IFT140: variants seen among roughly 807,000 people sequenced by gnomAD.
The protein encoded by IFT140 is intraflagellar transport 140.
Under a neutral mutation model 164.6 loss-of-function variants are expected in IFT140, and 133 were observed. That is an observed-to-expected ratio of 0.81 (90% confidence interval 0.70 to 0.93). The LOEUF is 0.93. Among genes scored for constraint, IFT140 ranks in the 40% least tolerant of loss-of-function variants. The pLI is 0.00. For synonymous variants in IFT140, 860 were observed against 817.3 expected, an observed-to-expected ratio of 1.05 and a Z score of -0.89; for missense variants, 2,045 against 1,972.3, an observed-to-expected ratio of 1.04 and a Z score of -0.70.
intron 2 of IFT140, among the ~76,000 whole-genome samples, chr16:1,607,871 C>T (rs766601178): frequency 6.6e-6 from 1 of 152,200 alleles, no homozygotes; most frequent in Non-Finnish European, 1.5e-5. Context: ...GTCTTGAACC[C>T]CTGGCTCAGG....
At position 1,553,932 on chromosome 16, in the gene IFT140, A is replaced by G; in HGVS notation, c.2399+4003T>C. On this transcript the variant is annotated intron_variant, in intron 19 of 30. Coordinates refer to ENST00000426508, the MANE Select transcript of IFT140 (RefSeq NM_014714.4). The surrounding 1 kb of genome is among the most constrained non-coding windows in gnomAD (Gnocchi z 4.4). ...CTAAAAAGGTCTTTGGAGCTCCTCA[A>G]AGATAAAACTGTAAGTGAAACTGTA... 7.8e-7 allele frequency: 1 copy of G among 1,285,170 alleles called. No homozygotes were observed. Among genetic ancestry groups the G allele is most frequent in the Non-Finnish European group, 1.0e-6 (1 of 987,066 alleles). The allele number at this position is 1,285,170 out of a possible 1,614,324, so 79.6% of individuals were successfully genotyped here. A position where few individuals can be genotyped will look rare whatever the true frequency, so the allele number is the denominator to read the frequency against.
intron 19 of IFT140, among the ~76,000 whole-genome samples, chr16:1,535,891 T>C (rs117903220): frequency 0.012 from 1,766 of 152,308 alleles, 34 homozygotes; most frequent in Non-Finnish European, 0.014. Flanking sequence ...CTCGGTGTCT[T>C]ATGGGAAGCC....
intron 18 of IFT140, among the ~76,000 whole-genome samples, chr16:1,561,398 G>C (rs1025033397): frequency 7.9e-5 from 12 of 152,224 alleles, no homozygotes; most frequent in Non-Finnish European, 4.4e-5. Flanking sequence ...TACTGATGAC[G>C]ATCCCATTCT....
At chr16:1,513,730 G>C (rs1472213426) in intron 30 of IFT140, among the ~76,000 whole-genome samples, 2 of 150,400 alleles carry the variant, frequency 1.3e-5, no homozygotes, top group Non-Finnish European at 3.0e-5. Context: ...CTGGAGTGCA[G>C]TGGTGCGATC....
chr16:1,545,880 C>G (rs1276244736), intron 19 of IFT140, among the ~76,000 whole-genome samples: 1 of 152,222 alleles, frequency 6.6e-6, no homozygotes, highest in South Asian at 2.1e-4. Context: ...AGGGACCACC[C>G]TCCTCGCCCC....
At position 1,516,497 on chromosome 16, in the gene IFT140, C is replaced by T. The variant is rs185429175; in HGVS notation, c.4182+1719G>A. 2.2e-3 allele frequency among the ~76,000 whole-genome samples: 341 copies of T among 152,164 alleles called. 1 individual carries two copies. Among genetic ancestry groups the T allele is most frequent in the African/African-American group, 7.5e-3 (310 of 41,508 alleles). Reference sequence around the variant, plus strand: ...AAAAATAGTCCACTAAGGCCAGGTGCGGTGGCTCACGCCTGTAATCCCAGC... The same window carrying T: ...AAAAATAGTCCACTAAGGCCAGGTGTGGTGGCTCACGCCTGTAATCCCAGC... On this transcript the variant is annotated intron_variant, in intron 30 of 30. Transcript: ENST00000426508.
chr16:1,526,529 G>T, intron 20 of IFT140, 90 bp downstream of exon 20: 1 of 1,291,574 alleles, frequency 7.7e-7, no homozygotes, highest in Non-Finnish European at 1.0e-6. Context: ...GCAGGCTCAG[G>T]CCGGTGGGCG....
intron 14 of IFT140, among the ~76,000 whole-genome samples, chr16:1,569,488 T>C (rs1204194110): frequency 7.8e-6 from 1 of 127,462 alleles, no homozygotes; most frequent in African/African-American, 2.9e-5. Context: ...CTTCTTTCCC[T>C]CCTCCCTCCC....
chr16:1,541,804 A>G (rs1205950177), intron 19 of IFT140: 7 of 1,286,250 alleles, frequency 5.4e-6, no homozygotes, highest in Non-Finnish European at 7.4e-6. Context: ...ATGGAGGCAC[A>G]GCCTGTGCCG....
chr16:1,607,085 T>G, intron 3 of IFT140, 35 bp downstream of exon 3: 1 of 1,607,176 alleles, frequency 6.2e-7, no homozygotes, highest in Non-Finnish European at 8.5e-7. Flanking sequence ...AGCCAGAAGC[T>G]ACCACAGTCA....
rs1437390710 is a variant in IFT140 at position 1,522,853 on chromosome 16, A to T, written c.3453+665T>A. Among the ~76,000 whole-genome samples the T allele has an allele frequency of 3.3e-5, 5 of 152,178 alleles. No homozygotes were observed. In the East Asian group the frequency reaches 9.6e-4, roughly 29 times the overall value. Reference sequence around the variant, plus strand: ...CCCAGTAAAAAATGGCATCTCCGTGAATTTTGATATGTATTTCTATCATGA... The same window carrying T: ...CCCAGTAAAAAATGGCATCTCCGTGTATTTTGATATGTATTTCTATCATGA... On this transcript the variant is annotated intron_variant, in intron 26 of 30. Transcript: ENST00000426508.
chr16:1,579,041 G>A (rs922408700), intron 13 of IFT140, among the ~76,000 whole-genome samples: 9 of 152,130 alleles, frequency 5.9e-5, no homozygotes, highest in African/African-American at 1.4e-4. Context: ...TCCCCAAAAC[G>A]TTAACTAGTA....
At chr16:1,524,386 G>A in intron 24 of IFT140, 166 bp downstream of exon 24, 2 of 840,170 alleles carry the variant, frequency 2.4e-6, no homozygotes, top group African/African-American at 1.7e-5. Context: ...AGCGGCCAGG[G>A]GTGGGCAGAG....
rs2040675771 is a variant in IFT140, at chr16:1,525,881, A to G, written c.2768+6T>C. Reference sequence around the variant, plus strand: ...GCAGGGAAGAGGCCGCGAGGGCCGCACTCACTAACTGAGGGCCCGGCTGCA... The same window carrying G: ...GCAGGGAAGAGGCCGCGAGGGCCGCGCTCACTAACTGAGGGCCCGGCTGCA... On this transcript the variant is annotated splice_donor_region_variant and intron_variant, in intron 21 of 30. Transcript: ENST00000426508. The G allele has an allele frequency of 6.5e-7, 1 of 1,532,486 alleles. No homozygotes were observed. The highest frequency in any genetic ancestry group is 8.8e-7 in the Non-Finnish European group (1 of 1,139,606). 94.9% of individuals were successfully genotyped at this position (1,532,486 alleles called of 1,614,324 possible).
chr16:1,550,917 C>T (rs935899684), intron 19 of IFT140, among the ~76,000 whole-genome samples: 1 of 152,226 alleles, frequency 6.6e-6, no homozygotes, highest in African/African-American at 2.4e-5. Flanking sequence ...CTGTTGAGTA[C>T]AGGGCCACGT....
At chr16:1,559,737 G>T (rs886426260) in intron 18 of IFT140, among the ~76,000 whole-genome samples, 2 of 152,256 alleles carry the variant, frequency 1.3e-5, no homozygotes, top group Non-Finnish European at 2.9e-5. Flanking sequence ...GACACTGAGT[G>T]TCTCAGGCTT....
At chr16:1,579,830 G>A (rs1026264914) in intron 13 of IFT140, among the ~76,000 whole-genome samples, 2 of 152,046 alleles carry the variant, frequency 1.3e-5, no homozygotes, top group Non-Finnish European at 2.9e-5. Context: ...TGGGTGTGGT[G>A]GCGCACACCT....
chr16:1,584,355 C>G lies in IFT140; in HGVS notation c.1221G>C (p.Arg407=), dbSNP rs761080545. 1.9e-5 allele frequency: 30 copies of G among 1,613,088 alleles called. No homozygotes were observed. In the Middle Eastern group the frequency reaches 6.6e-4, roughly 35 times the overall value. ...SVISVAILSE[R]AMSSHFHQQV... ...GCTGGTGGAAGTGTGACGACATGGC[C>G]CGCTCGCTGAGGATGGCCACGGAGA... The change falls in exon 11 of 31, where the codon CGG becomes CGC. Residue 407 remains arginine, a synonymous_variant. Coordinates refer to ENST00000426508, the MANE Select transcript of IFT140 (RefSeq NM_014714.4).
intron 26 of IFT140, among the ~76,000 whole-genome samples, chr16:1,522,521 G>A (rs2040554411): frequency 6.6e-6 from 1 of 151,970 alleles, no homozygotes. Flanking sequence ...GGCAACAAGA[G>A]TGAAACTCCA....
Sources: gnomAD v4.1 joint callset for allele counts (sites outside exome capture counted in the v4.1 genomes callset) on GRCh38, gnomAD v4.1.1 for gene constraint, Gnocchi (gnomAD v3.1) non-coding constraint, MANE v1.5 for transcripts, NCBI Gene and HGNC (gene_info 2026-07-23, HGNC 2026-07-21) for gene names.